The following TMEM178B variants were observed in gnomAD, a reference collection of about 807,000 sequenced individuals.
TMEM178B encodes the protein transmembrane protein 178B.
Under a neutral mutation model 31.0 loss-of-function variants are expected in TMEM178B, and 5 were observed. The observed-to-expected ratio is 0.16, with a 90% CI of 0.08 to 0.34. The LOEUF is 0.34. Ranked by LOEUF, TMEM178B falls within the 10% of genes least tolerant of loss-of-function variation. TMEM178B has a pLI of 1.00. For synonymous variants in TMEM178B, 164 were observed against 164.0 expected, an observed-to-expected ratio of 1.00 and a Z score of 0.00; for missense variants, 275 against 400.3, an observed-to-expected ratio of 0.69 and a Z score of 2.67.
intron 2 of TMEM178B, among the ~76,000 whole-genome samples, chr7:141,408,176 G>A (rs1324851624): frequency 4.6e-5 from 7 of 151,530 alleles, no homozygotes; most frequent in Non-Finnish European, 8.8e-5. Context: ...GCAGCACCAG[G>A]GCTAGAAAAA....
chr7:141,093,058 G>A (rs1794905066), intron 1 of TMEM178B, among the ~76,000 whole-genome samples: 1 of 152,220 alleles, frequency 6.6e-6, no homozygotes, highest in African/African-American at 2.4e-5. Context: ...CGTAGTGTTT[G>A]AAGGTCATAG....
chr7:141,267,862 A>T (rs943236810), intron 2 of TMEM178B, among the ~76,000 whole-genome samples: 5 of 152,220 alleles, frequency 3.3e-5, no homozygotes, highest in Non-Finnish European at 7.3e-5. Context: ...CAGGCTGATA[A>T]CCATTTCCTC....
intron 2 of TMEM178B, among the ~76,000 whole-genome samples, chr7:141,269,607 T>A (rs1394533663): frequency 6.6e-6 from 1 of 152,230 alleles, no homozygotes; most frequent in Non-Finnish European, 1.5e-5. Flanking sequence ...TATCTTTTAA[T>A]CTTTTTTCCA....
In TMEM178B at chr7:141,291,973, C is replaced by G. The variant is rs898512168; in HGVS notation, c.496+79269C>G. ...TATCAAAGCCCTGCCTGCTCTTTTC[C>G]CTTTCCTTATTGGCTCTTTGTTATT... is the stretch of plus-strand genomic sequence containing the variant. On this transcript the variant is annotated intron_variant, in intron 2 of 3. Transcript: ENST00000565468. 9.3e-5 allele frequency among the ~76,000 whole-genome samples: 14 copies of G among 150,412 alleles called. No homozygotes were observed. In the East Asian group the frequency reaches 2.7e-3, roughly 29 times the overall value.
intron 2 of TMEM178B, among the ~76,000 whole-genome samples, chr7:141,321,603 G>A (rs574856726): frequency 6.8e-4 from 104 of 152,194 alleles, no homozygotes; most frequent in African/African-American, 2.2e-3. Context: ...GGGCTCAACC[G>A]TGGCTCCGTT....
At chr7:141,158,434 C>T (rs1481941087) in intron 1 of TMEM178B, among the ~76,000 whole-genome samples, 1 of 152,184 alleles carries the variant, frequency 6.6e-6, no homozygotes, top group Admixed American at 6.5e-5. Context: ...GAAAGTTCTT[C>T]AAGAGCAAGA....
At position 141,177,049 on chromosome 7, in the gene TMEM178B, C is replaced by T. The variant is rs569383538; in HGVS notation, c.383-35542C>T. On this transcript the variant is annotated intron_variant, in intron 1 of 3. Transcript: ENST00000565468. ...TCTTTTAATTGTGATGTTAGGGTTT[C>T]GATTTTAGATCTTTCTTGCTTTCTC... 1.4e-4 allele frequency among the ~76,000 whole-genome samples: 22 copies of T among 152,168 alleles called. No individual in the cohort carries two copies. The East Asian group carries it at 1.9e-3, about 13-fold the overall frequency.
intron 2 of TMEM178B, among the ~76,000 whole-genome samples, chr7:141,418,764 A>T (rs1288841177): frequency 6.6e-6 from 1 of 152,194 alleles, no homozygotes; most frequent in Non-Finnish European, 1.5e-5. Flanking sequence ...TCAGTATCTC[A>T]AGTAATAATT....
chr7:141,370,251 AC>A (rs1285358403), intron 2 of TMEM178B, among the ~76,000 whole-genome samples: 1 of 152,130 alleles, frequency 6.6e-6, no homozygotes, highest in Admixed American at 6.5e-5. Context: ...TGGTGAAGAG[AC>A]CCAGGAGAAG....
At chr7:141,298,749 G>A (rs1047573543) in intron 2 of TMEM178B, among the ~76,000 whole-genome samples, 6 of 152,176 alleles carry the variant, frequency 3.9e-5, no homozygotes, top group African/African-American at 1.2e-4. Context: ...AGTAAATATG[G>A]TGAAAAGAGG....
intron 2 of TMEM178B, among the ~76,000 whole-genome samples, chr7:141,305,237 G>A (rs1396834356): frequency 6.6e-6 from 1 of 152,182 alleles, no homozygotes; most frequent in Non-Finnish European, 1.5e-5. Flanking sequence ...TATAACCCTA[G>A]TAATAGTAGT....
intron 2 of TMEM178B, among the ~76,000 whole-genome samples, chr7:141,290,223 A>G (rs1015243496): frequency 3.3e-5 from 5 of 152,218 alleles, no homozygotes; most frequent in Non-Finnish European, 2.9e-5. Context: ...CTTGGGAGAA[A>G]GCATCTGTTT....
intron 2 of TMEM178B, among the ~76,000 whole-genome samples, chr7:141,335,967 C>T (rs1169692709): frequency 6.6e-6 from 1 of 152,186 alleles, no homozygotes; most frequent in African/African-American, 2.4e-5. Flanking sequence ...TTAAAGAAGG[C>T]TTTATGCTTC....
intron 2 of TMEM178B, among the ~76,000 whole-genome samples, chr7:141,247,720 G>T (rs1437938636): frequency 6.6e-6 from 1 of 152,176 alleles, no homozygotes; most frequent in Non-Finnish European, 1.5e-5. Context: ...CATATCAGAG[G>T]TGTGATTGTC....
At chr7:141,310,665 G>A (rs1185121500) in intron 2 of TMEM178B, among the ~76,000 whole-genome samples, 2 of 152,116 alleles carry the variant, frequency 1.3e-5, no homozygotes, top group South Asian at 2.1e-4. Context: ...AGAAGCTGGC[G>A]AGGCTGTGGA....
intron 2 of TMEM178B, among the ~76,000 whole-genome samples, chr7:141,408,818 G>A (rs1007291985): frequency 6.6e-6 from 1 of 152,194 alleles, no homozygotes; most frequent in African/African-American, 2.4e-5. Flanking sequence ...AGTCCCAGAC[G>A]TGTCAACCAC....
chr7:141,254,609 T>G (rs1797894976), intron 2 of TMEM178B, among the ~76,000 whole-genome samples: 1 of 152,056 alleles, frequency 6.6e-6, no homozygotes, highest in Non-Finnish European at 1.5e-5. Context: ...TCCCAGCTAC[T>G]CAGGAGGCTG....
intron 1 of TMEM178B, among the ~76,000 whole-genome samples, chr7:141,160,456 C>G (rs537279922): frequency 6.6e-6 from 1 of 152,258 alleles, no homozygotes; most frequent in East Asian, 1.9e-4. Flanking sequence ...CTCCTCCTTG[C>G]CCCTCCTTCC....
the TMEM178B span, among the ~76,000 whole-genome samples, chr7:141,491,190 G>T: frequency 6.6e-6 from 1 of 151,948 alleles, no homozygotes; most frequent in African/African-American, 2.4e-5. Flanking sequence ...ACCATGCTTG[G>T]ATCATTTTTG....
Sources: allele counts gnomAD v4.1 joint callset (sites outside exome capture counted in the v4.1 genomes callset), GRCh38; gene constraint gnomAD v4.1.1; transcripts MANE v1.5; gene names NCBI Gene and HGNC (gene_info 2026-07-23, HGNC 2026-07-21).